The following GFOD2 variants were observed in gnomAD, a reference collection of about 807,000 sequenced individuals.
GFOD2 encodes the protein Gfo/Idh/MocA-like oxidoreductase domain containing 2.
Under a neutral mutation model 24.6 loss-of-function variants are expected in GFOD2, and 9 were observed. That is an observed-to-expected ratio of 0.37 (90% CI 0.22 to 0.64). GFOD2 has a LOEUF of 0.64. Among genes scored for constraint, GFOD2 ranks in the 30% least tolerant of loss-of-function variants. The pLI, the probability that GFOD2 is intolerant of heterozygous loss-of-function variation, is 0.65. For missense variants in GFOD2, 476 were observed against 532.5 expected, an observed-to-expected ratio of 0.89 and a Z score of 1.04; for synonymous variants, 211 against 224.8, an observed-to-expected ratio of 0.94 and a Z score of 0.55.
chr16:67,698,963 T>A (rs2053378864), intron 1 of GFOD2, among the ~76,000 whole-genome samples: 1 of 151,908 alleles, frequency 6.6e-6, no homozygotes. Flanking sequence ...GCCAAAAAAA[T>A]AAAATAAAAT....
chr16:67,708,816 A>T (rs1025850121), intron 1 of GFOD2, among the ~76,000 whole-genome samples: 8 of 152,190 alleles, frequency 5.3e-5, no homozygotes, highest in African/African-American at 1.9e-4. Flanking sequence ...CCCCTCAGGC[A>T]CATTCCAAAA....
intron 2 of GFOD2, chr16:67,677,312 G>A (rs1223301351): frequency 1.3e-5 from 2 of 152,170 alleles, no homozygotes. Context: ...CTGGGTTCAA[G>A]CGGTTCTCCT....
chr16:67,676,081 CAA>C (rs1273150942), intron 2 of GFOD2, 28 bp from the exon 3 acceptor site: 1 of 1,550,128 alleles, frequency 6.5e-7, no homozygotes, highest in Non-Finnish European at 8.7e-7. Context: ...CAGGAAATCT[CAA>C]AGTTTCAAGG....
intron 2 of GFOD2, among the ~76,000 whole-genome samples, chr16:67,678,939 G>A (rs1425473193): frequency 3.3e-5 from 5 of 152,110 alleles, no homozygotes; most frequent in Non-Finnish European, 5.9e-5. Flanking sequence ...AGGCCAAGGT[G>A]GGAGGATCAC....
intron 1 of GFOD2, among the ~76,000 whole-genome samples, chr16:67,689,058 T>A (rs1176607941): frequency 7.0e-5 from 10 of 141,922 alleles, no homozygotes. Context: ...TTTTTTTTTT[T>A]AAAGACAGTC....
chr16:67,675,664 C>A lies in GFOD2; in HGVS notation c.649G>T (p.Val217Phe). The change falls in exon 3 of 3, where the codon GTC becomes TTC. Residue 217 changes from valine to phenylalanine, a missense_variant. Val to Phe is a conservative substitution (Grantham distance 50, BLOSUM62 -1). Transcript: ENST00000268797. ...AAGAAACAGAAGTCATCGCTAGTGACGTGCCGGATGCCACGGATGGCAGCG... is the reference window on the plus strand; with the variant it reads ...AAGAAACAGAAGTCATCGCTAGTGAAGTGCCGGATGCCACGGATGGCAGCG... ...QNAAIRGIRHVTSDDFCFFQM... is the reference protein window; with the variant it reads ...QNAAIRGIRHFTSDDFCFFQM... The A allele has an allele frequency of 6.2e-7, 1 of 1,613,536 alleles. No homozygotes were observed. Among genetic ancestry groups the A allele is most frequent in the Non-Finnish European group, 8.5e-7 (1 of 1,180,034 alleles).
At chr16:67,695,131 G>A (rs756102866) in intron 1 of GFOD2, among the ~76,000 whole-genome samples, 1 of 151,484 alleles carries the variant, frequency 6.6e-6, no homozygotes, top group Non-Finnish European at 1.5e-5. Context: ...TCAGTAGCTG[G>A]GGTTACAGGC....
intron 2 of GFOD2, chr16:67,680,445 C>A (rs2053216597): frequency 6.6e-6 from 1 of 152,260 alleles, no homozygotes; most frequent in African/African-American, 2.4e-5. Flanking sequence ...GTTGTTTTAT[C>A]ATACGTACTG....
intron 2 of GFOD2, among the ~76,000 whole-genome samples, chr16:67,678,049 A>C (rs1436492387): frequency 6.6e-6 from 1 of 152,270 alleles, no homozygotes; most frequent in Non-Finnish European, 1.5e-5. Context: ...GGCTCACTGC[A>C]GGGTGCAGCT....
chr16:67,690,290 C>A (rs1343782855), intron 1 of GFOD2, among the ~76,000 whole-genome samples: 1 of 152,180 alleles, frequency 6.6e-6, no homozygotes, highest in African/African-American at 2.4e-5. Context: ...TTTCCTCCAA[C>A]AGCGTGCAAG....
chr16:67,696,624 C>T (rs1195716473), intron 1 of GFOD2, among the ~76,000 whole-genome samples: 3 of 151,844 alleles, frequency 2.0e-5, no homozygotes, highest in Non-Finnish European at 4.4e-5. Flanking sequence ...CAGGCACCCA[C>T]CACCACACCC....
At chr16:67,700,075 C>A (rs1342311819) in intron 1 of GFOD2, among the ~76,000 whole-genome samples, 1 of 149,668 alleles carries the variant, frequency 6.7e-6, no homozygotes, top group African/African-American at 2.5e-5. Context: ...GACCCTGCCT[C>A]AAAAAAATAA....
rs2053260519 is a variant in GFOD2, at chr16:67,685,609, T to C, written c.107A>G (p.Lys36Arg). 1 of 1,614,160 alleles carries C rather than the reference T, an allele frequency of 6.2e-7. No individual in the cohort carries two copies. Among genetic ancestry groups the C allele is most frequent in the African/African-American group, 1.3e-5 (1 of 75,052 alleles). The change falls in exon 2 of 3, where the codon AAG becomes AGG. Residue 36 changes from lysine (K) to arginine (R), a missense_variant. Transcript: ENST00000268797. The stretch of plus-strand genomic sequence containing the variant: ...AAGCTGCTTCGCCTCCTCCTCAGTC[T>C]TCCCCCACAGGGCCTCAACAGTGAA... ...EGFTVEALWG[K>R]TEEEAKQLAE...
intron 1 of GFOD2, among the ~76,000 whole-genome samples, chr16:67,695,212 G>A (rs148996482): frequency 0.031 from 4,746 of 152,010 alleles, 98 homozygotes; most frequent in Non-Finnish European, 0.048. Flanking sequence ...GGCCAGGCTG[G>A]TCTCGAACTC....
chr16:67,694,026 A>G (rs2053337611), intron 1 of GFOD2, among the ~76,000 whole-genome samples: 5 of 151,496 alleles, frequency 3.3e-5, no homozygotes, highest in Admixed American at 3.3e-4. Flanking sequence ...TTGCTCTATC[A>G]CCCAGGCTGG....
rs376161537 is a variant in GFOD2 at position 67,714,692 on chromosome 16, G to A, written c.-88+4471C>T. ...GAGCTGACAATTTGAGAGTAGCACA[G>A]TTATCCCAGGCCAGAAAGGAAGACC... On this transcript the variant is annotated intron_variant, in intron 1 of 2. Transcript: ENST00000268797. 2.4e-4 allele frequency among the ~76,000 whole-genome samples: 36 copies of A among 152,246 alleles called. 1 individual carries two copies. The South Asian group carries it at 7.3e-3, about 31-fold the overall frequency.
At chr16:67,694,279 G>A (rs944453239) in intron 1 of GFOD2, among the ~76,000 whole-genome samples, 6 of 152,108 alleles carry the variant, frequency 3.9e-5, no homozygotes, top group African/African-American at 1.4e-4. Flanking sequence ...TTACAGGCAT[G>A]AGCCACTGAG....
chr16:67,681,551 G>C (rs954061978), intron 2 of GFOD2: 1 of 500,446 alleles, frequency 2.0e-6, no homozygotes, highest in Non-Finnish European at 2.6e-6. Flanking sequence ...TGGGACCACA[G>C]GTGCACGCCA....
chr16:67,710,552 C>T (rs935489567), intron 1 of GFOD2, among the ~76,000 whole-genome samples: 6 of 151,828 alleles, frequency 4.0e-5, no homozygotes, highest in Admixed American at 6.6e-5. Context: ...TTAGTAGAGA[C>T]GGGGTTTCAC....
Sources: allele counts gnomAD v4.1 joint callset (sites outside exome capture counted in the v4.1 genomes callset), GRCh38; gene constraint gnomAD v4.1.1; transcripts MANE v1.5; gene names NCBI Gene and HGNC (gene_info 2026-07-23, HGNC 2026-07-21).